COL24A1: variants seen among roughly 807,000 people sequenced by gnomAD.
COL24A1 encodes the protein collagen alpha-1(XXIV) chain.
Under a neutral mutation model 253.9 loss-of-function variants are expected in COL24A1, and 224 were observed. The ratio of observed to expected loss-of-function variants is 0.88; its 90% confidence interval spans 0.79 to 0.99. COL24A1 has a LOEUF of 0.99. Ranked by LOEUF, COL24A1 falls within the 50% of genes least tolerant of loss-of-function variation. The probability of loss-of-function intolerance (pLI) is 0.00; values close to 1 mark genes in which losing one functional copy is unlikely to be tolerated. For synonymous variants in COL24A1, 685 were observed against 673.7 expected (o/e 1.02, Z -0.26); for missense variants, 2,131 against 2,068.5 (o/e 1.03, Z -0.59).
At chr1:85,732,011 G>A (rs1663527541) in intron 59 of COL24A1, among the ~76,000 whole-genome samples, 5 of 152,156 alleles carry the variant, frequency 3.3e-5, no homozygotes. Context: ...AAGTGGCTGT[G>A]AAAATTAGCT....
At chr1:85,891,373 A>G (rs953407855) in intron 31 of COL24A1, among the ~76,000 whole-genome samples, 5 of 152,082 alleles carry the variant, frequency 3.3e-5, no homozygotes, top group African/African-American at 1.2e-4. Context: ...CGTAAGTTGC[A>G]TCTTCTACAT....
chr1:85,774,022 C>T (rs1398924891), intron 53 of COL24A1, among the ~76,000 whole-genome samples: 2 of 152,032 alleles, frequency 1.3e-5, no homozygotes, highest in Non-Finnish European at 2.9e-5. Flanking sequence ...ATAAATAGCT[C>T]TTATTATGTT....
chr1:86,138,092 T>C (rs1381269169), intron 2 of COL24A1, among the ~76,000 whole-genome samples: 1 of 152,228 alleles, frequency 6.6e-6, no homozygotes, highest in East Asian at 1.9e-4. Flanking sequence ...TTTAAACTCA[T>C]GGCATTTGTA....
At chr1:86,095,651 T>A (rs1396258802) in intron 5 of COL24A1, among the ~76,000 whole-genome samples, 1 of 152,100 alleles carries the variant, frequency 6.6e-6, no homozygotes, top group Non-Finnish European at 1.5e-5. Context: ...CTTGATTAGT[T>A]TTTCAAATCC....
intron 2 of COL24A1, among the ~76,000 whole-genome samples, chr1:86,131,082 T>C (rs1649101599): frequency 6.6e-6 from 1 of 151,980 alleles, no homozygotes; most frequent in African/African-American, 2.4e-5. Flanking sequence ...TTGCAGCTGC[T>C]GTTCCATGGT....
chr1:86,024,351 C>A (rs1362727734), intron 14 of COL24A1, among the ~76,000 whole-genome samples: 1 of 151,888 alleles, frequency 6.6e-6, no homozygotes, highest in Non-Finnish European at 1.5e-5. Context: ...TTTCCCAGAC[C>A]CAACATAATA....
chr1:86,079,771 G>T (rs1702504494), intron 7 of COL24A1, among the ~76,000 whole-genome samples: 1 of 152,010 alleles, frequency 6.6e-6, no homozygotes, highest in African/African-American at 2.4e-5. Context: ...ATATCCAAAA[G>T]AATGCTGGCG....
At chr1:86,106,341 T>C (rs1314056404) in intron 5 of COL24A1, among the ~76,000 whole-genome samples, 1 of 151,974 alleles carries the variant, frequency 6.6e-6, no homozygotes, top group African/African-American at 2.4e-5. Context: ...AATGAAACAT[T>C]GTTACTGTGG....
At chr1:85,855,925 G>C (rs1330635175) in intron 37 of COL24A1, among the ~76,000 whole-genome samples, 1 of 152,136 alleles carries the variant, frequency 6.6e-6, no homozygotes, top group Non-Finnish European at 1.5e-5. Flanking sequence ...ATCTTGGGAG[G>C]TTGTATGTTT....
At chr1:86,128,896 C>T (rs1648730406) in intron 2 of COL24A1, among the ~76,000 whole-genome samples, 1 of 151,906 alleles carries the variant, frequency 6.6e-6, no homozygotes, top group Admixed American at 6.6e-5. Context: ...AGAATCACTA[C>T]ATCAATATGT....
chr1:85,828,250 C>A (rs1329429583), intron 43 of COL24A1, among the ~76,000 whole-genome samples: 1 of 150,716 alleles, frequency 6.6e-6, no homozygotes, highest in Non-Finnish European at 1.5e-5. Flanking sequence ...GATTCTTAAT[C>A]CTGAGTTCTA....
chr1:86,033,932 G>A lies in COL24A1; in HGVS notation c.1951-9C>T, dbSNP rs1698794181. 2 of 1,587,958 alleles carry A rather than the reference G, an allele frequency of 1.3e-6. No homozygotes were observed. ...AAGTCACCTGGAAAACCCTGTCACA[G>A]GGAAAGAGGAAGAATGCCAACATAT... is the stretch of plus-strand genomic sequence containing the variant. On this transcript the variant is annotated splice_polypyrimidine_tract_variant and intron_variant, in intron 12 of 59. Coordinates refer to ENST00000370571, the MANE Select transcript of COL24A1 (RefSeq NM_152890.7).
chr1:86,085,116 G>A (rs1200286792), intron 7 of COL24A1, among the ~76,000 whole-genome samples: 4 of 152,090 alleles, frequency 2.6e-5, no homozygotes, highest in African/African-American at 9.7e-5. Flanking sequence ...TCTATATTCA[G>A]TATTAATATA....
At chr1:85,969,257 G>A (rs1291409211) in intron 22 of COL24A1, among the ~76,000 whole-genome samples, 2 of 151,988 alleles carry the variant, frequency 1.3e-5, no homozygotes, top group African/African-American at 4.8e-5. Flanking sequence ...TGCTAGTAAG[G>A]TAAAAATGTG....
chr1:86,046,719 A>G, intron 12 of COL24A1, 106 bp downstream of exon 12: 1 of 1,320,104 alleles, frequency 7.6e-7, no homozygotes. Context: ...GAATGATTAT[A>G]AACAACAACA....
intron 43 of COL24A1, among the ~76,000 whole-genome samples, chr1:85,828,333 T>C (rs1227651371): frequency 6.6e-6 from 1 of 151,634 alleles, no homozygotes; most frequent in Non-Finnish European, 1.5e-5. Flanking sequence ...GAGGGGAGCT[T>C]TACTTCCAAG....
intron 5 of COL24A1, among the ~76,000 whole-genome samples, chr1:86,098,435 A>G (rs1009985258): frequency 2.0e-5 from 3 of 152,126 alleles, no homozygotes; most frequent in Non-Finnish European, 4.4e-5. Context: ...GCTGACACTA[A>G]CATGTGCTTA....
At chr1:85,845,922 G>A (rs546668696) in intron 39 of COL24A1, among the ~76,000 whole-genome samples, 11 of 151,802 alleles carry the variant, frequency 7.2e-5, no homozygotes, top group African/African-American at 2.7e-4. Flanking sequence ...ACATGAAAGA[G>A]GAAATCATAG....
At chr1:86,123,418 C>T (rs972976099) in intron 3 of COL24A1, among the ~76,000 whole-genome samples, 1 of 152,014 alleles carries the variant, frequency 6.6e-6, no homozygotes, top group Non-Finnish European at 1.5e-5. Context: ...TACTTTACTA[C>T]AAGATATATT....
Sources: gnomAD v4.1 joint callset for allele counts (sites outside exome capture counted in the v4.1 genomes callset) on GRCh38, gnomAD v4.1.1 for gene constraint, MANE v1.5 for transcripts, NCBI Gene and HGNC (gene_info 2026-07-23, HGNC 2026-07-21) for gene names.